The following PTK2 variants were observed in gnomAD, a reference collection of about 807,000 sequenced individuals.
The protein encoded by PTK2 is protein tyrosine kinase 2, also known as focal adhesion kinase 1.
In PTK2, 45 loss-of-function variants were observed where a neutral mutation model predicts 150.1. The ratio of observed to expected loss-of-function variants is 0.30; its 90% CI spans 0.24 to 0.38. The LOEUF (loss-of-function observed/expected upper bound fraction) is 0.38, where lower values mean the gene tolerates loss of function less well. PTK2 is among the 10% of genes least tolerant of loss of function. The pLI is 1.00. For missense variants in PTK2, 919 were observed against 1,307.3 expected, an observed-to-expected ratio of 0.70 and a Z score of 4.58; for synonymous variants, 432 against 449.2, an observed-to-expected ratio of 0.96 and a Z score of 0.48.
intron 17 of PTK2, among the ~76,000 whole-genome samples, chr8:140,749,962 T>C (rs552614903): frequency 6.6e-5 from 10 of 152,342 alleles, no homozygotes; most frequent in Admixed American, 5.9e-4. Flanking sequence ...AGATAACCAA[T>C]TTTTAAAATT....
intron 23 of PTK2, among the ~76,000 whole-genome samples, chr8:140,711,389 G>A (rs1369526806): frequency 6.6e-6 from 1 of 152,238 alleles, no homozygotes; most frequent in African/African-American, 2.4e-5. Context: ...TTACAGGCGT[G>A]AGCCACCATG....
chr8:140,719,519 G>A lies in PTK2; in HGVS notation c.2031-1810C>T, dbSNP rs532867883. 3.3e-5 allele frequency among the ~76,000 whole-genome samples: 5 copies of A among 152,240 alleles called. No individual in the cohort carries two copies. The South Asian group carries it at 8.3e-4, about 25-fold the overall frequency. On this transcript the variant is annotated intron_variant, in intron 22 of 31. Transcript: ENST00000522684. ...CTCTGCCCTGCCCCTCCAATCAGAAGAGCGCTCCCCTCCGCTGCTGGGAGG... is the reference window on the plus strand; with the variant it reads ...CTCTGCCCTGCCCCTCCAATCAGAAAAGCGCTCCCCTCCGCTGCTGGGAGG...
intron 1 of PTK2, among the ~76,000 whole-genome samples, chr8:140,938,461 T>C (rs1280757905): frequency 6.6e-6 from 1 of 152,212 alleles, no homozygotes; most frequent in African/African-American, 2.4e-5. Context: ...CACTCCTTTT[T>C]GCTGTCTGTC....
At chr8:140,706,181 G>C (rs1233867372) in exon 24 of PTK2, 2 of 1,613,484 alleles carry the variant, frequency 1.2e-6, no homozygotes, top group East Asian at 2.2e-5. Flanking sequence ...CTGGACCTCG[G>C]ACTGGGATAA....
At chr8:140,688,873 T>C (rs1242678326) in intron 26 of PTK2, among the ~76,000 whole-genome samples, 3 of 152,224 alleles carry the variant, frequency 2.0e-5, no homozygotes, top group African/African-American at 7.2e-5. Context: ...AGATGTGATA[T>C]ATATAACTAA....
intron 12 of PTK2, among the ~76,000 whole-genome samples, chr8:140,798,888 A>C (rs1292742184): frequency 2.6e-5 from 4 of 152,230 alleles, no homozygotes; most frequent in African/African-American, 9.6e-5. Flanking sequence ...TAAAAAATAA[A>C]GCACAAAGTG....
intron 10 of PTK2, among the ~76,000 whole-genome samples, chr8:140,816,107 A>G (rs2154601495): frequency 6.6e-6 from 1 of 152,322 alleles, no homozygotes. Context: ...AAATTCTAAT[A>G]AAAAACCTGT....
rs570975899 is a variant in PTK2, at chr8:140,704,989, C to G, written c.2229+1130G>C. On this transcript the variant is annotated intron_variant, in intron 24 of 31. Transcript: ENST00000522684. The stretch of plus-strand genomic sequence containing the variant: ...ATGATTCACTCTTGACTCTGCCAGG[C>G]AAGTGGCCATCTCAGAACAGTGTCT... Among the ~76,000 whole-genome samples, 7 of 152,286 alleles carry G rather than the reference C, an allele frequency of 4.6e-5. No homozygotes were observed. The South Asian group carries it at 1.5e-3, about 32-fold the overall frequency.
chr8:140,999,090 TAAG>T (rs1479426231), intron 1 of PTK2, among the ~76,000 whole-genome samples: 1 of 152,208 alleles, frequency 6.6e-6, no homozygotes, highest in African/African-American at 2.4e-5. Flanking sequence ...CCTCAAATAA[TAAG>T]GCTTTTTAAG....
At chr8:140,755,401 T>C (rs2100065051) in intron 16 of PTK2, among the ~76,000 whole-genome samples, 1 of 152,116 alleles carries the variant, frequency 6.6e-6, no homozygotes, top group Non-Finnish European at 1.5e-5. Context: ...CCTTTTGCCT[T>C]CCCTTTGTTT....
chr8:140,868,837 T>C (rs900516022), intron 4 of PTK2, among the ~76,000 whole-genome samples: 9 of 152,124 alleles, frequency 5.9e-5, no homozygotes, highest in African/African-American at 2.2e-4. Flanking sequence ...GACCGTAATG[T>C]GGTATTCTGA....
At chr8:140,970,979 CA>C (rs2100187059) in intron 1 of PTK2, among the ~76,000 whole-genome samples, 1 of 151,586 alleles carries the variant, frequency 6.6e-6, no homozygotes, top group South Asian at 2.1e-4. Context: ...ATACTGATAA[CA>C]ACATCAATGT....
intron 30 of PTK2, 29 bp from the exon 35 acceptor site, chr8:140,665,026 A>G (rs1221162967): frequency 1.3e-6 from 2 of 1,578,992 alleles, no homozygotes; most frequent in Non-Finnish European, 1.7e-6. Context: ...AACCAATATT[A>G]GAACACACAC....
chr8:140,772,143 C>A (rs1226811454), intron 14 of PTK2, among the ~76,000 whole-genome samples: 1 of 152,152 alleles, frequency 6.6e-6, no homozygotes, highest in Non-Finnish European at 1.5e-5. Context: ...TAAAAGCTAC[C>A]TTTACACACA....
intron 14 of PTK2, chr8:140,765,167 C>T (rs2100071651): frequency 6.6e-6 from 1 of 152,130 alleles, no homozygotes; most frequent in African/African-American, 2.4e-5. Flanking sequence ...ACTGCTGGGC[C>T]ATTCTTGTGA....
intron 3 of PTK2, among the ~76,000 whole-genome samples, chr8:140,883,503 T>A (rs548250000): frequency 1.2e-4 from 18 of 152,356 alleles, no homozygotes; most frequent in Admixed American, 5.9e-4. Flanking sequence ...TTACCAAATA[T>A]AATCATCATT....
At chr8:140,972,175 C>T (rs1186782984) in intron 1 of PTK2, among the ~76,000 whole-genome samples, 1 of 133,720 alleles carries the variant, frequency 7.5e-6, no homozygotes. Context: ...AAATGTTATC[C>T]ACCTCCTCCC....
At chr8:140,783,041 C>T (rs566385773) in intron 14 of PTK2, among the ~76,000 whole-genome samples, 199 of 151,998 alleles carry the variant, frequency 1.3e-3, no homozygotes, top group Middle Eastern at 0.01. Context: ...GAGTTTGAGA[C>T]CAGCCTGGGC....
At chr8:140,933,359 T>C (rs2100172570) in intron 1 of PTK2, among the ~76,000 whole-genome samples, 1 of 152,154 alleles carries the variant, frequency 6.6e-6, no homozygotes. Flanking sequence ...ACCACAGAAG[T>C]TCAGCTGATC....
Sources: allele counts gnomAD v4.1 joint callset (sites outside exome capture counted in the v4.1 genomes callset), GRCh38; gene constraint gnomAD v4.1.1; transcripts MANE v1.5; gene names NCBI Gene and HGNC (gene_info 2026-07-23, HGNC 2026-07-21).